HSPA4: variants seen among roughly 807,000 people sequenced by gnomAD.
HSPA4 encodes the protein heat shock 70 kDa protein 4.
HSPA4 carries 25 observed loss-of-function variants against 106.2 expected under a neutral mutation model. The observed-to-expected ratio is 0.24, with a 90% CI of 0.17 to 0.33. The LOEUF is 0.33. HSPA4 is among the 10% of genes least tolerant of loss of function. The probability of loss-of-function intolerance (pLI) is 1.00; values close to 1 mark genes in which losing one functional copy is unlikely to be tolerated. For missense variants in HSPA4, 841 were observed against 996.0 expected (o/e 0.84, Z 2.10); for synonymous variants, 332 against 333.6 (o/e 1.00, Z 0.05).
chr5:133,097,850 G>A (rs546843585), intron 15 of HSPA4, among the ~76,000 whole-genome samples: 1 of 151,164 alleles, frequency 6.6e-6, no homozygotes, highest in South Asian at 2.1e-4. Flanking sequence ...CGCCCAGCCT[G>A]TATTTTTCTT....
At chr5:133,055,643 A>G (rs1765151269) in intron 1 of HSPA4, among the ~76,000 whole-genome samples, 1 of 152,194 alleles carries the variant, frequency 6.6e-6, no homozygotes, top group Admixed American at 6.6e-5. Context: ...GTGAACAAAT[A>G]AGGTCATGCC....
At chr5:133,100,642 G>A (rs1296015536) in intron 16 of HSPA4, among the ~76,000 whole-genome samples, 2 of 152,108 alleles carry the variant, frequency 1.3e-5, no homozygotes. Flanking sequence ...AAAATTAGCC[G>A]AGCGTGGTGG....
At chr5:133,059,168 C>T (rs1003164288) in intron 1 of HSPA4, among the ~76,000 whole-genome samples, 1 of 151,014 alleles carries the variant, frequency 6.6e-6, no homozygotes, top group East Asian at 2.0e-4. Context: ...ATAAAAGAGG[C>T]TGGGTGTGGT....
At chr5:133,090,606 T>G (rs1765635596) in intron 11 of HSPA4, among the ~76,000 whole-genome samples, 1 of 152,070 alleles carries the variant, frequency 6.6e-6, no homozygotes, top group South Asian at 2.1e-4. Flanking sequence ...AGTTATAGTA[T>G]AAAGACCTAG....
rs528013247 is a variant in HSPA4 at position 133,087,972 on chromosome 5, C to T, written c.986-432C>T. On this transcript the variant is annotated intron_variant, in intron 8 of 18. Coordinates refer to ENST00000304858, the MANE Select transcript of HSPA4 (RefSeq NM_002154.4). ...TATGTTTATGCCTTGGATTAGAACA[C>T]TGGAGTAGCTGGATGTGATTCTTCT... is the stretch of plus-strand genomic sequence containing the variant. Among the ~76,000 whole-genome samples the T allele has an allele frequency of 5.3e-5, 8 of 152,310 alleles. No homozygotes were observed. In the South Asian group the frequency reaches 1.5e-3, roughly 28 times the overall value.
In HSPA4 at chr5:133,053,948, C is replaced by T. The variant is rs578143506; in HGVS notation, c.107+1591C>T. On this transcript the variant is annotated intron_variant, in intron 1 of 18. Coordinates refer to ENST00000304858, the MANE Select transcript of HSPA4 (RefSeq NM_002154.4). ...GTGCTAGGATTACAGGCGTGAGTCA[C>T]GGTGCCCGGCCCCAGGGGCTCAATT... 5.3e-5 allele frequency among the ~76,000 whole-genome samples: 8 copies of T among 151,698 alleles called. No individual in the cohort carries two copies. In the East Asian group the frequency reaches 7.8e-4, roughly 15 times the overall value.
chr5:133,055,440 G>A (rs35152424), intron 1 of HSPA4, among the ~76,000 whole-genome samples: 81 of 149,728 alleles, frequency 5.4e-4, no homozygotes, highest in Middle Eastern at 3.5e-3. Flanking sequence ...GCAAGTCTTA[G>A]AGGGTTTATG....
Position 133,105,919 on chromosome 5 carries a change from CGAG to C in HSPA4, c.*1485_*1487del, listed in dbSNP as rs1393301715. ...GGTGTGTAAGCATGCATGGAGGCCTCGAGGCACCACAACAAGGCCAGGTTCTTA... is the reference window on the plus strand; with the variant it reads ...GGTGTGTAAGCATGCATGGAGGCCTCGCACCACAACAAGGCCAGGTTCTTA... On this transcript the variant is annotated 3_prime_UTR_variant, in exon 19 of 19. Coordinates refer to ENST00000304858, the MANE Select transcript of HSPA4 (RefSeq NM_002154.4). The C allele has an allele frequency of 6.6e-6, 1 of 151,530 alleles. No homozygotes were observed. The highest frequency in any genetic ancestry group is 2.4e-5 in the African/African-American group (1 of 41,208). 9.4% of individuals were successfully genotyped at this position (151,530 alleles called of 1,614,324 possible). A position where few individuals can be genotyped will look rare whatever the true frequency, so the allele number is the denominator to read the frequency against.
intron 4 of HSPA4, among the ~76,000 whole-genome samples, chr5:133,071,825 G>A (rs968542001): frequency 4.6e-5 from 7 of 152,116 alleles, no homozygotes; most frequent in Non-Finnish European, 8.8e-5. Context: ...CTGGGGGTGG[G>A]CTTTATTCTT....
At position 133,076,879 on chromosome 5, in the gene HSPA4, G is replaced by A. The variant is rs1765452394; in HGVS notation, c.889G>A (p.Val297Ile). The change falls in exon 7 of 19, where the codon GTA becomes ATA. Residue 297 changes from valine to isoleucine, a missense_variant. This residue lies in a region of HSPA4 where 347 missense variants were observed against 408.7 expected (regional missense o/e 0.85). Transcript: ENST00000304858. Reference protein sequence around the residue: ...SIECFMNDVDVSGTMNRGKFL... With the variant: ...SIECFMNDVDISGTMNRGKFL... ...TGAATGTTTTATGAATGATGTTGAT[G>A]TATCTGGAACTATGAATAGGTAAGT... 3 of 1,611,340 alleles carry A rather than the reference G, an allele frequency of 1.9e-6. No homozygotes were observed. The highest frequency in any genetic ancestry group is 2.5e-6 in the Non-Finnish European group (3 of 1,177,612).
chr5:133,095,262 AT>A (rs1267671071), intron 13 of HSPA4, among the ~76,000 whole-genome samples: 1 of 152,218 alleles, frequency 6.6e-6, no homozygotes, highest in Non-Finnish European at 1.5e-5. Context: ...AGATTGTGCC[AT>A]TGCACTCCAG....
At chr5:133,065,274 G>A (rs566370735) in intron 2 of HSPA4, among the ~76,000 whole-genome samples, 10 of 152,052 alleles carry the variant, frequency 6.6e-5, no homozygotes, top group Non-Finnish European at 1.5e-4. Flanking sequence ...TACAACACTG[G>A]AACAATAAAA....
At chr5:133,075,283 CT>C (rs1483497768) in intron 6 of HSPA4, among the ~76,000 whole-genome samples, 1 of 152,084 alleles carries the variant, frequency 6.6e-6, no homozygotes, top group Admixed American at 6.6e-5. Flanking sequence ...TTTCTAAGAT[CT>C]ATGCTATGCT....
chr5:133,105,757 T>C lies in HSPA4; in HGVS notation c.*1321T>C, dbSNP rs1479800113. 6.6e-6 allele frequency: 1 copy of C among 152,220 alleles called. No homozygotes were observed. The highest frequency in any genetic ancestry group is 1.5e-5 in the Non-Finnish European group (1 of 68,030). The allele number at this position is 152,220 out of a possible 1,614,324, so 9.4% of individuals were successfully genotyped here. A position where few individuals can be genotyped will look rare whatever the true frequency, so the allele number is the denominator to read the frequency against. ...TACTTTTGGCCTATGTTGTTAGAAATAAGATGCTATCTTGCATAGTTAGAA... is the reference window on the plus strand; with the variant it reads ...TACTTTTGGCCTATGTTGTTAGAAACAAGATGCTATCTTGCATAGTTAGAA... On this transcript the variant is annotated 3_prime_UTR_variant, in exon 19 of 19. Coordinates refer to ENST00000304858, the MANE Select transcript of HSPA4 (RefSeq NM_002154.4).
intron 13 of HSPA4, among the ~76,000 whole-genome samples, chr5:133,094,206 C>T (rs907989262): frequency 6.6e-6 from 1 of 152,088 alleles, no homozygotes; most frequent in African/African-American, 2.4e-5. Context: ...ACAACCTATT[C>T]TTTAATTTTG....
At chr5:133,062,246 G>A (rs1765254332) in intron 1 of HSPA4, among the ~76,000 whole-genome samples, 1 of 152,162 alleles carries the variant, frequency 6.6e-6, no homozygotes, top group African/African-American at 2.4e-5. Context: ...ACATAGAATA[G>A]GAAATTAACC....
intron 6 of HSPA4, among the ~76,000 whole-genome samples, chr5:133,075,479 C>T (rs1237904497): frequency 6.6e-6 from 1 of 152,074 alleles, no homozygotes. Context: ...AAAATCTCCC[C>T]AAATTGGAAA....
At chr5:133,060,088 C>A (rs1423956788) in intron 1 of HSPA4, among the ~76,000 whole-genome samples, 1 of 133,792 alleles carries the variant, frequency 7.5e-6, no homozygotes, top group African/African-American at 3.0e-5. Flanking sequence ...TTAGGACTTA[C>A]TAGATTTATT....
At chr5:133,086,378 A>G (rs1489635550) in intron 7 of HSPA4, among the ~76,000 whole-genome samples, 1 of 152,128 alleles carries the variant, frequency 6.6e-6, no homozygotes, top group Non-Finnish European at 1.5e-5. Context: ...ACCCAGCATA[A>G]TGTTTTCATG....
Sources: allele counts gnomAD v4.1 joint callset (sites outside exome capture counted in the v4.1 genomes callset), GRCh38; gene constraint gnomAD v4.1.1; regional missense constraint gnomAD v4.1.1; transcripts MANE v1.5; gene names NCBI Gene and HGNC (gene_info 2026-07-23, HGNC 2026-07-21).